The following ARHGEF10 variants were observed in gnomAD, a reference collection of about 807,000 sequenced individuals.
ARHGEF10 encodes Rho guanine nucleotide exchange factor (GEF) 10.
Under a neutral mutation model 147.4 loss-of-function variants are expected in ARHGEF10, and 140 were observed. The ratio of observed to expected loss-of-function variants is 0.95; its 90% CI spans 0.83 to 1.09. The LOEUF (loss-of-function observed/expected upper bound fraction) is 1.09. Among genes scored for constraint, ARHGEF10 ranks in the 50% least tolerant of loss-of-function variants. ARHGEF10 has a pLI of 0.00. For synonymous variants in ARHGEF10, 902 were observed against 695.8 expected (o/e 1.30, Z -4.67); for missense variants, 2,222 against 1,752.7 (o/e 1.27, Z -4.78).
intron 17 of ARHGEF10, among the ~76,000 whole-genome samples, chr8:1,908,135 G>C (rs547906734): frequency 6.6e-6 from 1 of 152,022 alleles, no homozygotes; most frequent in Non-Finnish European, 1.5e-5. Flanking sequence ...AGAAGGAACT[G>C]GAGAGCTTGG....
intron 26 of ARHGEF10, among the ~76,000 whole-genome samples, chr8:1,942,723 G>A (rs368705227): frequency 3.0e-4 from 45 of 152,322 alleles, no homozygotes; most frequent in South Asian, 1.4e-3. Context: ...ACAGAATGTG[G>A]TTCCTTCATA....
rs1811169833 is a variant in ARHGEF10 at position 1,909,322 on chromosome 8, C to G, written c.1995C>G (p.Ser665Arg). The change falls in exon 18 of 29, where the codon AGC (serine) becomes AGG (arginine). Residue 665 changes from serine to arginine, a missense_variant. Ser to Arg is a moderately radical substitution (Grantham distance 110). Coordinates refer to ENST00000349830, the MANE Select transcript of ARHGEF10 (RefSeq NM_014629.4). ...SRPSHDSRVM[S>R]SQRYLLKWSV... Reference sequence around the variant, plus strand: ...CCTCTCATGACAGCCGTGTGATGAGCAGCCAGAGGTACTTGCTGAAGTGGA... The same window carrying G: ...CCTCTCATGACAGCCGTGTGATGAGGAGCCAGAGGTACTTGCTGAAGTGGA... 1 of 1,614,220 alleles carries G rather than the reference C, an allele frequency of 6.2e-7. No individual in the cohort carries two copies. Among genetic ancestry groups the G allele is most frequent in the Non-Finnish European group, 8.5e-7 (1 of 1,180,040 alleles).
In ARHGEF10 at chr8:1,898,590, G is replaced by A. The variant is rs1455365281; in HGVS notation, c.1650+65G>A. 3 of 1,509,750 alleles carry A rather than the reference G, an allele frequency of 2.0e-6. No homozygotes were observed. In the Admixed American group the frequency reaches 5.2e-5, roughly 26 times the overall value. The allele number at this position is 1,509,750 out of a possible 1,614,324, so 93.5% of individuals were successfully genotyped here. On this transcript the variant is annotated intron_variant, in intron 15 of 28. Coordinates refer to ENST00000349830, the MANE Select transcript of ARHGEF10 (RefSeq NM_014629.4). ...GCTCGCCCATGACTCATTTGAAAAT[G>A]GCGTCTGTTCCTCCACTTTGGAATG...
rs1808891171 is a variant in ARHGEF10, at chr8:1,888,154, C to CGAGGAGACAGTGAGTGGGGT, written c.1182+2451_1182+2452insAGACAGTGAGTGGGGTGAGG. On this transcript the variant is annotated intron_variant, in intron 11 of 28. Transcript: ENST00000349830. ...GTTTGCGAGGAGACACTTAGTGGGG[C>CGAGGAGACAGTGAGTGGGGT]GAGGGTTGCGAGGAGACAGTGAGTG... Among the ~76,000 whole-genome samples the CGAGGAGACAGTGAGTGGGGT allele has an allele frequency of 2.0e-4, 6 of 30,446 alleles. 1 individual carries two copies. The highest frequency in any genetic ancestry group is 1.1e-3 in the South Asian group (1 of 900). 20.0% of individuals were successfully genotyped at this position (30,446 alleles called of 152,430 possible). A position where few individuals can be genotyped will look rare whatever the true frequency, so the allele number is the denominator to read the frequency against.
intron 7 of ARHGEF10, chr8:1,870,348 C>A (rs374751893): frequency 5.5e-4 from 80 of 145,842 alleles, no homozygotes; most frequent in African/African-American, 1.8e-3. Context: ...TAGTGCAAAA[C>A]CCAATCTGGT....
At chr8:1,835,861 G>A (rs544085760) in intron 1 of ARHGEF10, among the ~76,000 whole-genome samples, 3 of 152,158 alleles carry the variant, frequency 2.0e-5, no homozygotes, top group Non-Finnish European at 4.4e-5. Context: ...CTCCCTCTCT[G>A]ACTGAATGCA....
At chr8:1,843,200 A>G (rs899212437) in intron 1 of ARHGEF10, among the ~76,000 whole-genome samples, 153 bp from the exon 2 acceptor site, 2 of 152,254 alleles carry the variant, frequency 1.3e-5, no homozygotes, top group African/African-American at 4.8e-5. Context: ...ATTTACAAGT[A>G]TTCATGACTA....
At chr8:1,921,893 T>C (rs760890946) in intron 18 of ARHGEF10, among the ~76,000 whole-genome samples, 3 of 152,166 alleles carry the variant, frequency 2.0e-5, no homozygotes, top group Non-Finnish European at 4.4e-5. Flanking sequence ...TCAACTTAAA[T>C]GAATTTCTTC....
chr8:1,861,396 C>T (rs1207359260), intron 4 of ARHGEF10, among the ~76,000 whole-genome samples: 1 of 152,218 alleles, frequency 6.6e-6, no homozygotes, highest in Non-Finnish European at 1.5e-5. Context: ...TGAGGGTAAG[C>T]ACATACCCTG....
intron 27 of ARHGEF10, among the ~76,000 whole-genome samples, chr8:1,951,977 A>G (rs1001584029): frequency 5.1e-4 from 6 of 11,814 alleles, no homozygotes; most frequent in Admixed American, 9.8e-4. Context: ...GGAATAGGCC[A>G]TGCGTCTCCC....
At position 1,882,615 on chromosome 8, in the gene ARHGEF10, C is replaced by A. The variant is rs1020538744; in HGVS notation, c.961-20C>A. 28 of 1,548,266 alleles carry A rather than the reference C, an allele frequency of 1.8e-5. No homozygotes were observed. In the African/African-American group the frequency reaches 3.0e-4, roughly 17 times the overall value. ...GGGTTCTGCCGCCGTCCCGTTCTCACATCTCCCTCTCCGTCGCAGATGCAG... is the reference window on the plus strand; with the variant it reads ...GGGTTCTGCCGCCGTCCCGTTCTCAAATCTCCCTCTCCGTCGCAGATGCAG... On this transcript the variant is annotated intron_variant, in intron 9 of 28. Transcript: ENST00000349830.
rs1224474576 is a variant in ARHGEF10 at position 1,921,324 on chromosome 8, C to T, written c.2144-1640C>T. Reference sequence around the variant, plus strand: ...AATATGTAGGTTCTTTCAGTTTTGACATATATATGTATTATATCTGTTATA... The same window carrying T: ...AATATGTAGGTTCTTTCAGTTTTGATATATATATGTATTATATCTGTTATA... On this transcript the variant is annotated intron_variant, in intron 18 of 28. Transcript: ENST00000349830. 2.6e-5 allele frequency among the ~76,000 whole-genome samples: 4 copies of T among 152,262 alleles called. No homozygotes were observed. The East Asian group carries it at 7.7e-4, about 29-fold the overall frequency.
chr8:1,908,304 C>T (rs1051355937), intron 17 of ARHGEF10, among the ~76,000 whole-genome samples: 3 of 146,808 alleles, frequency 2.0e-5, no homozygotes, highest in African/African-American at 5.2e-5. Flanking sequence ...GATCTCAGCT[C>T]GCTGCAAGCT....
At chr8:1,925,471 G>A (rs1812619697) in intron 22 of ARHGEF10, 67 bp downstream of exon 22, 2 of 1,602,032 alleles carry the variant, frequency 1.2e-6, no homozygotes, top group Admixed American at 1.7e-5. Flanking sequence ...GGCCACTTGG[G>A]AGATGATTCT....
intron 3 of ARHGEF10, among the ~76,000 whole-genome samples, chr8:1,859,529 T>C (rs1455758588): frequency 2.0e-5 from 3 of 152,134 alleles, no homozygotes; most frequent in African/African-American, 7.2e-5. Context: ...CTCTCGGTTG[T>C]TTGCATGGCG....
intron 26 of ARHGEF10, among the ~76,000 whole-genome samples, chr8:1,942,510 C>T (rs1484651637): frequency 6.6e-6 from 1 of 152,002 alleles, no homozygotes; most frequent in African/African-American, 2.4e-5. Context: ...GGTGGGAATG[C>T]AGAATGGTAC....
In ARHGEF10 at chr8:1,957,142, C is replaced by G. The variant is rs144142470; in HGVS notation, c.3914C>G (p.Ser1305Trp). 6.2e-7 allele frequency: 1 copy of G among 1,612,798 alleles called. No homozygotes were observed. The highest frequency in any genetic ancestry group is 8.5e-7 in the Non-Finnish European group (1 of 1,180,026). ...ARRAKKAKAS[S>W]ALVVCGGQGH... ...CGGGCCAAGAAAGCCAAGGCCAGCT[C>G]GGCGCTGGTGGTCTGTGGAGGGCAG... The change falls in exon 29 of 29, where the codon TCG (serine) becomes TGG (tryptophan). Residue 1305 changes from serine to tryptophan, a missense_variant. By Grantham distance (177) the Ser-to-Trp change is radical. Transcript: ENST00000349830.
chr8:1,877,218 T>C (rs576908831), intron 8 of ARHGEF10, among the ~76,000 whole-genome samples: 2 of 152,240 alleles, frequency 1.3e-5, no homozygotes, highest in African/African-American at 4.8e-5. Context: ...CCTGTGACAA[T>C]CCTTTCTTTT....
intron 17 of ARHGEF10, among the ~76,000 whole-genome samples, chr8:1,907,090 G>T (rs759178376): frequency 1.3e-5 from 2 of 152,346 alleles, no homozygotes; most frequent in Non-Finnish European, 2.9e-5. Context: ...TGAGGCCGTG[G>T]GAGGTCGCAG....
Sources: allele counts gnomAD v4.1 joint callset (sites outside exome capture counted in the v4.1 genomes callset), GRCh38; gene constraint gnomAD v4.1.1; transcripts MANE v1.5; gene names NCBI Gene and HGNC (gene_info 2026-07-23, HGNC 2026-07-21).